Variants in NKAIN4 observed in about 807,000 individuals in gnomAD.
NKAIN4 encodes the protein sodium/potassium-transporting ATPase subunit beta-1-interacting protein 4.
A neutral mutation model predicts 28.8 loss-of-function variants in NKAIN4; 28 were observed. That is an observed-to-expected ratio of 0.97 (90% CI 0.72 to 1.33). The LOEUF (loss-of-function observed/expected upper bound fraction) is 1.33. NKAIN4 is among the 40% of genes most tolerant of loss of function. NKAIN4 has a pLI of 0.00. For missense variants in NKAIN4, 289 were observed against 277.2 expected, an observed-to-expected ratio of 1.04 and a Z score of -0.30; for synonymous variants, 122 against 115.6, an observed-to-expected ratio of 1.06 and a Z score of -0.36.
rs6089865 is a variant in NKAIN4 at position 63,240,856 on chromosome 20, G to C, written c.*641C>G. 0.21 allele frequency: 32,399 copies of C among 152,440 alleles called. 3,801 individuals are homozygous for C. The highest frequency in any genetic ancestry group is 0.34 in the East Asian group (1,746 of 5,172). The allele number at this position is 152,440 out of a possible 1,614,324, so 9.4% of individuals were successfully genotyped here. A position where few individuals can be genotyped will look rare whatever the true frequency, so the allele number is the denominator to read the frequency against. On this transcript the variant is annotated 3_prime_UTR_variant, in exon 7 of 7. Coordinates refer to ENST00000370316, the MANE Select transcript of NKAIN4 (RefSeq NM_152864.4). Reference sequence around the variant, plus strand: ...AGCCTTTGGGACTGTTTGCCCAAGAGCCCCCTTTACAAGAGTACTGCCTGC... The same window carrying C: ...AGCCTTTGGGACTGTTTGCCCAAGACCCCCCTTTACAAGAGTACTGCCTGC...
chr20:63,251,960 C>A (rs113797273), intron 1 of NKAIN4, among the ~76,000 whole-genome samples: 5,586 of 152,202 alleles, frequency 0.037, 146 homozygotes, highest in Non-Finnish European at 0.057. Flanking sequence ...GGAAGGTAAG[C>A]GAGCCCCCCA....
chr20:63,242,053 G>A (rs6122409), intron 6 of NKAIN4, among the ~76,000 whole-genome samples: 96,404 of 152,026 alleles, frequency 0.63, 30,717 homozygotes, highest in East Asian at 0.86. Context: ...GGCAAAAGCT[G>A]TTTCAGAGGA....
intron 4 of NKAIN4, chr20:63,246,541 C>G: frequency 1.0e-6 from 1 of 985,456 alleles, no homozygotes; most frequent in Non-Finnish European, 1.2e-6. Flanking sequence ...CACGTGTGCT[C>G]AGGCCACGGG....
At chr20:63,254,161 C>A in intron 1 of NKAIN4, 1 of 429,284 alleles carries the variant, frequency 2.3e-6, no homozygotes, top group South Asian at 3.8e-5. Flanking sequence ...GCTCCGGACC[C>A]GCGGCCGCCC....
In NKAIN4 at chr20:63,252,372, T is replaced by C. The variant is rs2123132269; in HGVS notation, c.54+2025A>G. On this transcript the variant is annotated intron_variant, in intron 1 of 6. Transcript: ENST00000370316. The surrounding 1 kb of genome is among the most constrained non-coding windows in gnomAD (Gnocchi z 4.6). ...ACAGCCCGGCTCAGAGCCAGCAAAG[T>C]TCACACTGTTCTTTGGGGAGAAAGG... Among the ~76,000 whole-genome samples the C allele has an allele frequency of 6.6e-6, 1 of 152,118 alleles. No individual in the cohort carries two copies. The highest frequency in any genetic ancestry group is 2.4e-5 in the African/African-American group (1 of 41,482).
At chr20:63,243,083 C>T (rs13044567) in intron 5 of NKAIN4, among the ~76,000 whole-genome samples, 44,780 of 152,122 alleles carry the variant, frequency 0.29, 7,598 homozygotes, top group East Asian at 0.51. Context: ...AGCCAGCAGG[C>T]AGCAGGGGCT....
intron 4 of NKAIN4, chr20:63,247,342 G>A (rs1226846586): frequency 4.7e-6 from 7 of 1,478,196 alleles, no homozygotes; most frequent in Non-Finnish European, 6.3e-6. Flanking sequence ...ACTTGAGAAA[G>A]CGCCTGGGTT....
At chr20:63,248,463 C>T (rs938701975) in intron 3 of NKAIN4, 3 of 226,554 alleles carry the variant, frequency 1.3e-5, no homozygotes, top group East Asian at 2.1e-4. Context: ...GAGGGTTGGT[C>T]GGGCTGGGAC....
upstream of NKAIN4, chr20:63,254,704 G>C (rs1045802067): frequency 1.9e-5 from 6 of 308,906 alleles, no homozygotes; most frequent in Non-Finnish European, 3.5e-5. Flanking sequence ...CGATGGCGCG[G>C]CCTCTCGGGT....
At position 63,241,073 on chromosome 20, in the gene NKAIN4, C is replaced by T. The variant is rs1214971644; in HGVS notation, c.*424G>A. 10 of 207,362 alleles carry T rather than the reference C, an allele frequency of 4.8e-5. No individual in the cohort carries two copies. Among genetic ancestry groups the T allele is most frequent in the South Asian group, 1.4e-4 (2 of 14,152 alleles). 12.8% of individuals were successfully genotyped at this position (207,362 alleles called of 1,614,324 possible). On this transcript the variant is annotated 3_prime_UTR_variant, in exon 7 of 7. Coordinates refer to ENST00000370316, the MANE Select transcript of NKAIN4 (RefSeq NM_152864.4). Reference sequence around the variant, plus strand: ...TCACCGCTTGAGGGGTCTCGGGCCTCACATTGACTTCCTGGGGAGGCTGCA... The same window carrying T: ...TCACCGCTTGAGGGGTCTCGGGCCTTACATTGACTTCCTGGGGAGGCTGCA...
At chr20:63,246,888 G>A in intron 4 of NKAIN4, 1 of 985,340 alleles carries the variant, frequency 1.0e-6, no homozygotes, top group Non-Finnish European at 1.2e-6. Flanking sequence ...AGGTTGTTAG[G>A]CTCACAGAGG....
At chr20:63,248,964 C>A in intron 2 of NKAIN4, 69 bp from the exon 3 acceptor site, 1 of 1,074,996 alleles carries the variant, frequency 9.3e-7, no homozygotes, top group South Asian at 1.3e-5. Flanking sequence ...CATCCAGCCC[C>A]CGGGGGAAGG....
intron 5 of NKAIN4, among the ~76,000 whole-genome samples, chr20:63,243,380 A>G (rs1434101196): frequency 9.2e-5 from 14 of 151,912 alleles, no homozygotes; most frequent in Admixed American, 2.0e-4. Context: ...ATGGTTCTGA[A>G]CTGGATTCTG....
intron 2 of NKAIN4, chr20:63,249,285 A>T: frequency 4.4e-6 from 1 of 227,820 alleles, no homozygotes; most frequent in South Asian, 6.6e-5. Flanking sequence ...AGAGCACCCC[A>T]AAGAGCTGCC....
intron 4 of NKAIN4, chr20:63,247,236 T>C: frequency 1.6e-6 from 2 of 1,228,736 alleles, no homozygotes; most frequent in Non-Finnish European, 2.1e-6. Context: ...GTCAGGAAGA[T>C]GCATGCCCCT....
At position 63,252,277 on chromosome 20, in the gene NKAIN4, C is replaced by A. The variant is rs1286621857; in HGVS notation, c.54+2120G>T. Among the ~76,000 whole-genome samples the A allele has an allele frequency of 6.6e-6, 1 of 152,130 alleles. No homozygotes were observed. The highest frequency in any genetic ancestry group is 1.5e-5 in the Non-Finnish European group (1 of 67,996). On this transcript the variant is annotated intron_variant, in intron 1 of 6. Coordinates refer to ENST00000370316, the MANE Select transcript of NKAIN4 (RefSeq NM_152864.4). The surrounding 1 kb of genome is among the most constrained non-coding windows in gnomAD (Gnocchi z 4.6). ...GCCCTGCCAGGACCCAGCCCCAAAC[C>A]CCTTCCTGGGCCTTTGGCTCCCAGG...
At chr20:63,244,475 G>A in intron 4 of NKAIN4, 1 of 478,916 alleles carries the variant, frequency 2.1e-6, no homozygotes, top group Non-Finnish European at 4.3e-6. Context: ...CTTGCCTTTG[G>A]CCCCAGCCCA....
At chr20:63,243,354 G>A (rs1191075637) in intron 5 of NKAIN4, among the ~76,000 whole-genome samples, 1 of 152,032 alleles carries the variant, frequency 6.6e-6, no homozygotes, top group East Asian at 1.9e-4. Flanking sequence ...CATGGCCCCT[G>A]GAGTCCTGGG....
intron 5 of NKAIN4, among the ~76,000 whole-genome samples, chr20:63,242,843 T>C (rs1213165343): frequency 1.8e-4 from 3 of 16,438 alleles, no homozygotes; most frequent in African/African-American, 8.5e-4. Flanking sequence ...CGGGGGACAG[T>C]GGGGGTGGGA....
Sources: allele counts gnomAD v4.1 joint callset (sites outside exome capture counted in the v4.1 genomes callset), GRCh38; gene constraint gnomAD v4.1.1; non-coding constraint Gnocchi (gnomAD v3.1); transcripts MANE v1.5; gene names NCBI Gene and HGNC (gene_info 2026-07-23, HGNC 2026-07-21).